The following DNAH3 variants were observed in gnomAD, a reference collection of about 807,000 sequenced individuals.
DNAH3 encodes dynein axonemal heavy chain 3.
DNAH3 carries 332 observed loss-of-function variants against 432.5 expected under a neutral mutation model. The ratio of observed to expected loss-of-function variants is 0.77; its 90% CI spans 0.70 to 0.84. DNAH3 has a LOEUF of 0.84. DNAH3 is among the 40% of genes least tolerant of loss of function. DNAH3 has a pLI of 0.00. For synonymous variants in DNAH3, 1,956 were observed against 1,900.2 expected (o/e 1.03, Z -0.76); for missense variants, 4,861 against 5,114.0 (o/e 0.95, Z 1.51).
At chr16:20,969,975 C>T (rs2085261027) in exon 52 of DNAH3, 1 of 1,613,848 alleles carries the variant, frequency 6.2e-7, no homozygotes, top group Non-Finnish European at 8.5e-7. Flanking sequence ...TCAGCTAGGT[C>T]CCCCTCACAT....
At chr16:21,115,712 ATAAT>A (rs2092177472) in intron 12 of DNAH3, among the ~76,000 whole-genome samples, 1 of 142,684 alleles carries the variant, frequency 7.0e-6, no homozygotes, top group African/African-American at 2.5e-5. Flanking sequence ...ATCTCAAAAA[ATAAT>A]AAAATAAATA....
exon 31 of DNAH3, chr16:21,049,662 G>A (rs372384510): frequency 1.0e-4 from 161 of 1,613,952 alleles, no homozygotes; most frequent in Non-Finnish European, 1.3e-4. Flanking sequence ...CCAAACCATC[G>A]GAGCAGTTGA....
exon 62 of DNAH3, chr16:20,933,497 T>C: frequency 1.9e-6 from 3 of 1,587,992 alleles, no homozygotes; most frequent in Non-Finnish European, 2.6e-6. Context: ...CACTGTTTCT[T>C]GTGGGGTTAC....
intron 13 of DNAH3, 63 bp downstream of exon 13, chr16:21,111,930 T>C (rs1013287418): frequency 1.9e-6 from 3 of 1,544,990 alleles, no homozygotes; most frequent in Non-Finnish European, 2.7e-6. Context: ...AGACACTAAC[T>C]GCTCATTGGA....
intron 8 of DNAH3, among the ~76,000 whole-genome samples, chr16:21,127,473 A>C (rs2092466816): frequency 6.6e-6 from 1 of 151,958 alleles, no homozygotes; most frequent in Non-Finnish European, 1.5e-5. Flanking sequence ...AGGCAGGATA[A>C]TCGCTTGAAC....
At chr16:20,996,345 T>C (rs954139517) in intron 44 of DNAH3, among the ~76,000 whole-genome samples, 1 of 152,236 alleles carries the variant, frequency 6.6e-6, no homozygotes, top group African/African-American at 2.4e-5. Flanking sequence ...TTGGTAGCTA[T>C]GTGAACTTAA....
At chr16:21,130,063 G>A in intron 7 of DNAH3, 1 of 105,212 alleles carries the variant, frequency 9.5e-6, no homozygotes, top group African/African-American at 3.7e-5. Flanking sequence ...TTTGTTAAAT[G>A]AATGAATGAA....
exon 55 of DNAH3, chr16:20,955,042 G>C (rs778239678): frequency 6.2e-7 from 1 of 1,608,878 alleles, no homozygotes; most frequent in African/African-American, 1.3e-5. Flanking sequence ...CTGATGGATA[G>C]CTGGTTAGCC....
chr16:21,047,235 T>G (rs937538769), intron 31 of DNAH3, among the ~76,000 whole-genome samples: 2 of 147,832 alleles, frequency 1.4e-5, no homozygotes, highest in African/African-American at 2.5e-5. Context: ...CTTGCTAGAT[T>G]GGGGAAGTTC....
intron 1 of DNAH3, among the ~76,000 whole-genome samples, chr16:21,146,767 CTTTT>C (rs201298507): frequency 1.4e-5 from 2 of 146,382 alleles, no homozygotes; most frequent in Admixed American, 6.8e-5. Flanking sequence ...TTCTTTCTTT[CTTTT>C]TTTTTTTGAG....
intron 36 of DNAH3, among the ~76,000 whole-genome samples, chr16:21,033,418 A>G (rs2088995401): frequency 1.3e-5 from 2 of 152,200 alleles, no homozygotes; most frequent in Non-Finnish European, 2.9e-5. Flanking sequence ...TCAGTTATTT[A>G]CCTGCATGCT....
chr16:21,090,912 G>C (rs117668108), intron 18 of DNAH3, among the ~76,000 whole-genome samples: 5,480 of 152,198 alleles, frequency 0.036, 175 homozygotes, highest in East Asian at 0.18. Context: ...AGCACTTTGG[G>C]AATCAGAGGC....
exon 15 of DNAH3, chr16:21,106,658 T>C: frequency 6.5e-7 from 1 of 1,537,032 alleles, no homozygotes; most frequent in South Asian, 1.3e-5. Flanking sequence ...GCGATGTGGC[T>C]GTACTGATTA....
chr16:21,049,890 G>C lies in DNAH3; in HGVS notation c.4347+20C>G. On this transcript the variant is annotated intron_variant, in intron 30 of 61. Transcript: ENST00000261383. The stretch of plus-strand genomic sequence containing the variant: ...GAGAGGGCCTGGAAGAGAGGGAGGG[G>C]ATAGATGGCATTTGCTTACCTGCTT... The C allele has an allele frequency of 1.3e-6, 2 of 1,587,274 alleles. No homozygotes were observed. The highest frequency in any genetic ancestry group is 2.2e-5 in the South Asian group (2 of 90,520).
At chr16:21,108,859 C>T (rs1418272709) in intron 14 of DNAH3, among the ~76,000 whole-genome samples, 1 of 152,072 alleles carries the variant, frequency 6.6e-6, no homozygotes, top group Non-Finnish European at 1.5e-5. Flanking sequence ...CGGTGGCTCA[C>T]CCCTGTAATC....
intron 42 of DNAH3, 28 bp downstream of exon 42, chr16:21,003,076 G>T: frequency 2.1e-6 from 3 of 1,451,450 alleles, no homozygotes; most frequent in South Asian, 2.3e-5. Context: ...GGAAACCAAA[G>T]TTCCATGGCC....
intron 23 of DNAH3, among the ~76,000 whole-genome samples, chr16:21,068,864 T>G (rs924856629): frequency 2.6e-5 from 4 of 152,044 alleles, no homozygotes; most frequent in Non-Finnish European, 5.9e-5. Context: ...TAGTTACTGC[T>G]TGGGAAGTGG....
chr16:21,084,888 C>T (rs553691637), intron 19 of DNAH3, among the ~76,000 whole-genome samples: 1 of 152,278 alleles, frequency 6.6e-6, no homozygotes, highest in East Asian at 1.9e-4. Flanking sequence ...TCGACAAGGA[C>T]ACTCTTGATA....
chr16:21,067,749 G>A (rs1461878937), intron 23 of DNAH3, among the ~76,000 whole-genome samples: 3 of 104,898 alleles, frequency 2.9e-5, no homozygotes, highest in Non-Finnish European at 6.0e-5. Flanking sequence ...GATAGAGAAA[G>A]CCAGTCTTGG....
Sources: allele counts gnomAD v4.1 joint callset (sites outside exome capture counted in the v4.1 genomes callset), GRCh38; gene constraint gnomAD v4.1.1; transcripts MANE v1.5; gene names NCBI Gene and HGNC (gene_info 2026-07-23, HGNC 2026-07-21).